The following LMF1 variants were observed in gnomAD, a reference collection of about 807,000 sequenced individuals.
LMF1 encodes transmembrane protein 112.
Under a neutral mutation model 60.6 loss-of-function variants are expected in LMF1, and 68 were observed. The ratio of observed to expected loss-of-function variants is 1.12; its 90% CI spans 0.92 to 1.37. LMF1 has a LOEUF of 1.37. Among genes scored for constraint, LMF1 ranks in the 40% most tolerant of loss-of-function variants. The pLI is 0.00. For missense variants in LMF1, 948 were observed against 767.2 expected, an observed-to-expected ratio of 1.24 and a Z score of -2.78; for synonymous variants, 418 against 324.7, an observed-to-expected ratio of 1.29 and a Z score of -3.09.
At chr16:917,573 G>A (rs573616921) in intron 3 of LMF1, among the ~76,000 whole-genome samples, 2 of 152,196 alleles carry the variant, frequency 1.3e-5, no homozygotes, top group African/African-American at 2.4e-5. Context: ...TGTGTGCTGC[G>A]GGCAGGTGCC....
chr16:883,287 C>T (rs1417713224), intron 5 of LMF1, among the ~76,000 whole-genome samples: 6 of 150,810 alleles, frequency 4.0e-5, no homozygotes, highest in African/African-American at 1.5e-4. Flanking sequence ...AGCAGAAGAG[C>T]TGCCCGGCAG....
chr16:854,237 G>A lies in LMF1; in HGVS notation c.*295C>T, dbSNP rs533824484. 9 of 617,022 alleles carry A rather than the reference G, an allele frequency of 1.5e-5. No individual in the cohort carries two copies. In the East Asian group the frequency reaches 1.7e-4, roughly 12 times the overall value. 38.2% of individuals were successfully genotyped at this position (617,022 alleles called of 1,614,324 possible). A position where few individuals can be genotyped will look rare whatever the true frequency, so the allele number is the denominator to read the frequency against. ...GGCCATTGTCTCAACTCCTGTGGGC[G>A]GCACAGCCCCAGGCTGGGCCTCTGG... is the stretch of plus-strand genomic sequence containing the variant. On this transcript the variant is annotated 3_prime_UTR_variant, in exon 11 of 11. Coordinates refer to ENST00000262301, the MANE Select transcript of LMF1 (RefSeq NM_022773.4).
chr16:917,243 G>A (rs1196629806), intron 3 of LMF1, among the ~76,000 whole-genome samples: 2 of 152,178 alleles, frequency 1.3e-5, no homozygotes, highest in Non-Finnish European at 2.9e-5. Context: ...GTGTGGCCAC[G>A]CAGAGCACAT....
intron 10 of LMF1, among the ~76,000 whole-genome samples, chr16:868,457 C>T (rs573431256): frequency 8.5e-5 from 13 of 152,156 alleles, no homozygotes; most frequent in South Asian, 4.1e-4. Context: ...TCTGACCCTG[C>T]GGGGCTCCCT....
upstream of LMF1, among the ~76,000 whole-genome samples, chr16:973,131 T>G (rs564822931): frequency 1.1e-3 from 160 of 152,128 alleles, no homozygotes; most frequent in African/African-American, 3.7e-3. Context: ...TCACCTGAGG[T>G]CAGGAGTTCA....
intron 2 of LMF1, among the ~76,000 whole-genome samples, chr16:949,212 CAG>C (rs1418499577): frequency 2.0e-5 from 3 of 148,602 alleles, no homozygotes; most frequent in Non-Finnish European, 3.0e-5. Context: ...CAGCCAACGA[CAG>C]AGTCAGCCAA....
chr16:924,237 G>A (rs1325897038), intron 3 of LMF1, among the ~76,000 whole-genome samples: 1 of 152,156 alleles, frequency 6.6e-6, no homozygotes, highest in Non-Finnish European at 1.5e-5. Flanking sequence ...GGTATGCGAA[G>A]AATAACCCAT....
At chr16:856,032 G>A in intron 10 of LMF1, 1 of 449,598 alleles carries the variant, frequency 2.2e-6, no homozygotes, top group Non-Finnish European at 4.5e-6. Flanking sequence ...AGACCCTCTG[G>A]GTGGAGGAGG....
At chr16:898,238 C>T (rs543557165) in intron 4 of LMF1, among the ~76,000 whole-genome samples, 5 of 152,352 alleles carry the variant, frequency 3.3e-5, no homozygotes, top group Admixed American at 1.3e-4. Flanking sequence ...GGACAAACGC[C>T]CTGGGCTCGC....
intron 1 of LMF1, 51 bp downstream of exon 1, chr16:970,737 T>G: frequency 6.9e-7 from 1 of 1,456,910 alleles, no homozygotes; most frequent in Middle Eastern, 1.8e-4. Context: ...GCGGGGGTCG[T>G]GGTGCGCGGA....
In LMF1 at chr16:897,717, G is replaced by A. The variant is rs2151737406; in HGVS notation, c.664-4645C>T. On this transcript the variant is annotated intron_variant, in intron 4 of 10. Transcript: ENST00000262301. The surrounding 1 kb of genome is among the most constrained non-coding windows in gnomAD (Gnocchi z 4.3). ...GGTGAAGGGACCGCTGGTGGGCTCC[G>A]TGGGCAGAGGCACTATGGGGTCTAT... Among the ~76,000 whole-genome samples the A allele has an allele frequency of 6.6e-6, 1 of 152,294 alleles. No individual in the cohort carries two copies. The highest frequency in any genetic ancestry group is 1.9e-4 in the East Asian group (1 of 5,168).
At chr16:954,714 T>G in intron 1 of LMF1, 48 bp from the exon 2 acceptor site, 1 of 1,516,720 alleles carries the variant, frequency 6.6e-7, no homozygotes, top group South Asian at 1.3e-5. Context: ...ACAAACCACA[T>G]GTGGACACCA....
intron 2 of LMF1, among the ~76,000 whole-genome samples, chr16:941,725 T>G (rs1351986337): frequency 3.3e-5 from 5 of 152,214 alleles, no homozygotes; most frequent in African/African-American, 4.8e-5. Flanking sequence ...CTACATATCT[T>G]TGCACTACTT....
At chr16:910,833 C>G (rs560665403) in intron 4 of LMF1, 98 bp downstream of exon 4, 20 of 1,486,798 alleles carry the variant, frequency 1.3e-5, no homozygotes, top group African/African-American at 2.8e-5. Context: ...CAGAGGGCGG[C>G]GGGGGAGGAA....
Position 869,941 on chromosome 16 carries a change from C to T in LMF1, c.1358G>A (p.Cys453Tyr), listed in dbSNP as rs2069729892. 1 of 1,613,328 alleles carries T rather than the reference C, an allele frequency of 6.2e-7. No individual in the cohort carries two copies. ...GCGGTAGTGGTACGGGGAGATGAGG[C>T]AGGGCCGTCTGCTGGGGTCACCTGG... ...CKPGDPSRRP[C>Y]LISPYHYRLD... Residue 453 changes from cysteine (C) to tyrosine (Y), a missense_variant, in exon 9 of 11, where the codon TGC (cysteine) becomes TAC (tyrosine). Transcript: ENST00000262301.
At position 954,341 on chromosome 16, in the gene LMF1, C is replaced by G. The variant is rs1235645866; in HGVS notation, c.503+16G>C. 2 of 1,609,012 alleles carry G rather than the reference C, an allele frequency of 1.2e-6. No individual in the cohort carries two copies. The highest frequency in any genetic ancestry group is 1.1e-5 in the South Asian group (1 of 90,196). ...AGCAAGCCCTAAGCTCCGACCGCCCCATTCCTGCTACTCACCAGACATGGC... is the reference window on the plus strand; with the variant it reads ...AGCAAGCCCTAAGCTCCGACCGCCCGATTCCTGCTACTCACCAGACATGGC... On this transcript the variant is annotated intron_variant, in intron 2 of 10. Coordinates refer to ENST00000262301, the MANE Select transcript of LMF1 (RefSeq NM_022773.4).
chr16:884,256 A>C (rs2070245282), intron 5 of LMF1: 1 of 152,190 alleles, frequency 6.6e-6, no homozygotes, highest in African/African-American at 2.4e-5. Flanking sequence ...TTTGAAGCGG[A>C]TCTCTTAGAA....
At chr16:942,087 T>C (rs149864015) in intron 2 of LMF1, among the ~76,000 whole-genome samples, 1 of 152,240 alleles carries the variant, frequency 6.6e-6, no homozygotes, top group Non-Finnish European at 1.5e-5. Flanking sequence ...AACATTTCTA[T>C]AGTGTGTCTG....
At chr16:971,223 C>T (rs918291693), upstream of LMF1, among the ~76,000 whole-genome samples, 1 of 152,198 alleles carries the variant, frequency 6.6e-6, no homozygotes, top group Non-Finnish European at 1.5e-5. Flanking sequence ...GGGTAGGGCG[C>T]GGGGCCGGGT....
Sources: allele counts gnomAD v4.1 joint callset (sites outside exome capture counted in the v4.1 genomes callset), GRCh38; gene constraint gnomAD v4.1.1; non-coding constraint Gnocchi (gnomAD v3.1); transcripts MANE v1.5; gene names NCBI Gene and HGNC (gene_info 2026-07-23, HGNC 2026-07-21).